FSHR: variants seen among roughly 807,000 people sequenced by gnomAD.
FSHR encodes follicle stimulating hormone receptor.
In FSHR, 46 loss-of-function variants were observed where a neutral mutation model predicts 52.1. The observed-to-expected ratio is 0.88, with a 90% confidence interval of 0.70 to 1.13. The LOEUF (loss-of-function observed/expected upper bound fraction) is 1.13. Ranked by LOEUF, FSHR falls within the 50% of genes most tolerant of loss-of-function variation. FSHR has a pLI of 0.00. For missense variants in FSHR, 964 were observed against 834.6 expected (o/e 1.16, Z -1.91); for synonymous variants, 399 against 309.6 (o/e 1.29, Z -3.03).
At chr2:49,016,801 T>A (rs79109092) in intron 4 of FSHR, among the ~76,000 whole-genome samples, 2 of 151,652 alleles carry the variant, frequency 1.3e-5, no homozygotes, top group South Asian at 4.1e-4. Context: ...ATTCTCTTGA[T>A]GAAACAATAT....
chr2:49,005,532 C>T (rs1667047518), intron 4 of FSHR, among the ~76,000 whole-genome samples: 1 of 152,082 alleles, frequency 6.6e-6, no homozygotes, highest in South Asian at 2.1e-4. Context: ...TGTCTGGATT[C>T]TCGATGAGTG....
rs1675862004 is a variant in FSHR, at chr2:48,993,142, C to A, written c.375-2505G>T. Among the ~76,000 whole-genome samples the A allele has an allele frequency of 2.6e-5, 4 of 152,060 alleles. No homozygotes were observed. The South Asian group carries it at 8.3e-4, about 32-fold the overall frequency. On this transcript the variant is annotated intron_variant, in intron 4 of 9. Transcript: ENST00000406846. ...TTTGCTTCTCTTTTCTATAGTCTCA[C>A]TACATAGATCTTGCTTCCTGTGATT... is the stretch of plus-strand genomic sequence containing the variant.
chr2:49,025,157 G>A (rs897044091), intron 2 of FSHR, among the ~76,000 whole-genome samples: 1 of 152,206 alleles, frequency 6.6e-6, no homozygotes, highest in African/African-American at 2.4e-5. Context: ...TATTCGCACA[G>A]GAGGGAAGCT....
intron 6 of FSHR, among the ~76,000 whole-genome samples, chr2:48,985,320 A>G (rs917704182): frequency 5.3e-5 from 8 of 152,148 alleles, no homozygotes; most frequent in African/African-American, 9.7e-5. Flanking sequence ...TTTAAAACTC[A>G]TTGAGGGGCA....
chr2:48,970,152 ACATTTT>A (rs1257440897), intron 8 of FSHR, among the ~76,000 whole-genome samples: 19 of 152,332 alleles, frequency 1.2e-4, no homozygotes, highest in African/African-American at 4.3e-4. Flanking sequence ...GGTGAAAATT[ACATTTT>A]CAAAGTCTTG....
rs546832020 is a variant in FSHR, at chr2:49,153,731, T to C, written c.152+535A>G. Among the ~76,000 whole-genome samples the C allele has an allele frequency of 2.0e-5, 3 of 152,288 alleles. No individual in the cohort carries two copies. The East Asian group carries it at 5.8e-4, about 29-fold the overall frequency. ...TGTGTCTTTCCTATCTTTCTTTCTTTCTTCACACCTTTTCTCTTCTCTACC... is the reference window on the plus strand; with the variant it reads ...TGTGTCTTTCCTATCTTTCTTTCTTCCTTCACACCTTTTCTCTTCTCTACC... On this transcript the variant is annotated intron_variant, in intron 1 of 9. Coordinates refer to ENST00000406846, the MANE Select transcript of FSHR (RefSeq NM_000145.4).
chr2:49,017,305 T>C (rs982853236), intron 4 of FSHR, among the ~76,000 whole-genome samples, 184 bp downstream of exon 4: 5 of 152,176 alleles, frequency 3.3e-5, no homozygotes, highest in African/African-American at 1.2e-4. Flanking sequence ...GATACAATTA[T>C]GTTAGTAGAA....
intron 2 of FSHR, among the ~76,000 whole-genome samples, chr2:49,027,870 AAAG>A (rs1428086203): frequency 1.8e-4 from 27 of 151,980 alleles, no homozygotes; most frequent in African/African-American, 5.5e-4. Flanking sequence ...AAAAAAAAAA[AAAG>A]AGTGAAGGAA....
rs746133198 is a variant in FSHR, at chr2:49,017,542, G to A, written c.321C>T (p.Asn107=). The A allele has an allele frequency of 2.5e-6, 4 of 1,613,446 alleles. No individual in the cohort carries two copies. The highest frequency in any genetic ancestry group is 1.7e-6 in the Non-Finnish European group (2 of 1,179,584). ...LHEIRIEKAN[N]LLYINPEAFQ... is the part of the protein sequence containing the mutation. ...AGGCCTCAGGGTTGATGTAGAGCAG[G>A]TTGTTGGCCTTTTCAATTCTACTGT... is the stretch of plus-strand genomic sequence containing the variant. The change falls in exon 4 of 10, where the codon AAC becomes AAT. Residue 107 remains asparagine, a synonymous_variant. Transcript: ENST00000406846.
intron 4 of FSHR, among the ~76,000 whole-genome samples, chr2:48,995,259 A>G (rs1271253442): frequency 1.3e-5 from 2 of 152,130 alleles, no homozygotes; most frequent in Non-Finnish European, 1.5e-5. Flanking sequence ...TAAGACTAGC[A>G]CAGGTGAAAC....
chr2:48,985,018 G>A (rs964742030), intron 6 of FSHR, among the ~76,000 whole-genome samples: 2 of 152,104 alleles, frequency 1.3e-5, no homozygotes, highest in African/African-American at 2.4e-5. Flanking sequence ...TTATCTGTGG[G>A]AATCTCAAGC....
intron 2 of FSHR, among the ~76,000 whole-genome samples, chr2:49,036,854 A>G (rs1249017311): frequency 2.6e-5 from 4 of 152,264 alleles, no homozygotes; most frequent in Non-Finnish European, 5.9e-5. Context: ...ATCCAGACAC[A>G]GTAATGCTGA....
intron 1 of FSHR, among the ~76,000 whole-genome samples, chr2:49,125,415 G>T (rs1264103704): frequency 6.6e-6 from 1 of 152,194 alleles, no homozygotes; most frequent in Non-Finnish European, 1.5e-5. Context: ...CATGCAGCCT[G>T]TGAGCTGCAG....
intron 2 of FSHR, among the ~76,000 whole-genome samples, chr2:49,060,487 C>A (rs1325685371): frequency 6.6e-6 from 1 of 152,122 alleles, no homozygotes; most frequent in African/African-American, 2.4e-5. Flanking sequence ...GTCACACACC[C>A]CAGTACCTAA....
At chr2:49,074,643 T>C (rs13005029) in intron 1 of FSHR, among the ~76,000 whole-genome samples, 33,416 of 151,784 alleles carry the variant, frequency 0.22, 3,712 homozygotes, top group East Asian at 0.28. Context: ...AAAGGAGCTA[T>C]CATATGATCC....
intron 2 of FSHR, among the ~76,000 whole-genome samples, chr2:49,065,440 C>G (rs922353481): frequency 1.3e-5 from 2 of 152,124 alleles, no homozygotes; most frequent in East Asian, 1.9e-4. Context: ...GGAGGAGCAC[C>G]TTGGCATAAG....
intron 2 of FSHR, among the ~76,000 whole-genome samples, chr2:49,061,729 TA>T (rs1181256406): frequency 6.1e-5 from 8 of 131,722 alleles, no homozygotes; most frequent in African/African-American, 2.2e-4. Flanking sequence ...TATATAAAAA[TA>T]TATAGCTATT....
intron 2 of FSHR, 38 bp downstream of exon 2, chr2:49,068,181 C>G (rs761428369): frequency 3.3e-6 from 5 of 1,531,656 alleles, no homozygotes; most frequent in Non-Finnish European, 4.5e-6. Flanking sequence ...CCTATAGCCC[C>G]CTTGAGGCAT....
At chr2:49,055,720 C>T (rs1478421434) in intron 2 of FSHR, among the ~76,000 whole-genome samples, 1 of 151,764 alleles carries the variant, frequency 6.6e-6, no homozygotes, top group African/African-American at 2.4e-5. Flanking sequence ...TTTCTTAGCA[C>T]AAACATTACA....
Sources: allele counts gnomAD v4.1 joint callset (sites outside exome capture counted in the v4.1 genomes callset), GRCh38; gene constraint gnomAD v4.1.1; transcripts MANE v1.5; gene names NCBI Gene and HGNC (gene_info 2026-07-23, HGNC 2026-07-21).